The following CNTN5 variants were observed in gnomAD, a reference collection of about 807,000 sequenced individuals.
CNTN5 encodes contactin 5.
CNTN5 carries 77 observed loss-of-function variants against 129.1 expected under a neutral mutation model. That is an observed-to-expected ratio of 0.60 (90% confidence interval 0.50 to 0.72). The LOEUF (loss-of-function observed/expected upper bound fraction) is 0.72, where lower values mean the gene tolerates loss of function less well. Among genes scored for constraint, CNTN5 ranks in the 30% least tolerant of loss-of-function variants. The probability of loss-of-function intolerance (pLI) is 0.00; values close to 1 mark genes in which losing one functional copy is unlikely to be tolerated. For synonymous variants in CNTN5, 509 were observed against 465.6 expected, an observed-to-expected ratio of 1.09 and a Z score of -1.20; for missense variants, 1,478 against 1,328.8, an observed-to-expected ratio of 1.11 and a Z score of -1.75.
intron 1 of CNTN5, among the ~76,000 whole-genome samples, chr11:99,301,069 T>C (rs1864612502): frequency 6.6e-6 from 1 of 151,764 alleles, no homozygotes; most frequent in South Asian, 2.1e-4. Context: ...CACTGAGATG[T>C]TAATTATAAC....
At position 99,710,575 on chromosome 11, in the gene CNTN5, G is replaced by GCA. The variant is rs1347486203; in HGVS notation, c.56-108969_56-108968insCA. 4.9e-3 allele frequency among the ~76,000 whole-genome samples: 553 copies of GCA among 111,788 alleles called. 1 individual carries two copies. The highest frequency in any genetic ancestry group is 9.8e-3 in the African/African-American group (326 of 33,212). The allele number at this position is 111,788 out of a possible 152,430, so 73.3% of individuals were successfully genotyped here. On this transcript the variant is annotated intron_variant, in intron 3 of 24. Coordinates refer to ENST00000524871, the MANE Select transcript of CNTN5 (RefSeq NM_014361.4). Reference sequence around the variant, plus strand: ...TGTGTGTGTGTGTGTGCATGTGTGTGTGTGTGTGTGTGTGTGTGTGTGTGT... The same window carrying GCA: ...TGTGTGTGTGTGTGTGCATGTGTGTGCATGTGTGTGTGTGTGTGTGTGTGTGT...
At chr11:99,374,417 C>T (rs1429204826) in intron 2 of CNTN5, among the ~76,000 whole-genome samples, 3 of 152,182 alleles carry the variant, frequency 2.0e-5, no homozygotes, top group Non-Finnish European at 4.4e-5. Flanking sequence ...CTCAGTTTTT[C>T]AATGTATATA....
intron 3 of CNTN5, among the ~76,000 whole-genome samples, chr11:99,784,295 C>T (rs780322701): frequency 2.0e-5 from 3 of 152,036 alleles, no homozygotes; most frequent in Non-Finnish European, 4.4e-5. Flanking sequence ...GCTATCCCTC[C>T]CTTAGCCCCC....
intron 21 of CNTN5, among the ~76,000 whole-genome samples, chr11:100,339,921 A>G (rs982092881): frequency 6.6e-5 from 10 of 151,950 alleles, no homozygotes; most frequent in African/African-American, 2.4e-4. Context: ...GCCTCCCTCC[A>G]CCCTCCCTAC....
intron 3 of CNTN5, among the ~76,000 whole-genome samples, chr11:99,615,864 C>T (rs891695342): frequency 8.6e-5 from 13 of 151,850 alleles, no homozygotes; most frequent in African/African-American, 1.9e-4. Flanking sequence ...TGCACTCAAG[C>T]GATCCTCCCA....
chr11:99,107,916 G>A (rs1172173030), intron 1 of CNTN5, among the ~76,000 whole-genome samples: 12 of 138,446 alleles, frequency 8.7e-5, no homozygotes, highest in East Asian at 2.1e-4. Flanking sequence ...GGGCAACAGA[G>A]CGAGACTCAG....
At chr11:99,313,700 G>A (rs1004506055) in intron 1 of CNTN5, among the ~76,000 whole-genome samples, 1 of 151,986 alleles carries the variant, frequency 6.6e-6, no homozygotes, top group South Asian at 2.1e-4. Context: ...TTAATATTTA[G>A]TAATAATTAT....
At chr11:100,335,500 G>A (rs759372345) in intron 21 of CNTN5, among the ~76,000 whole-genome samples, 20 of 152,268 alleles carry the variant, frequency 1.3e-4, no homozygotes, top group Middle Eastern at 3.4e-3. Flanking sequence ...GGTCAGGCAC[G>A]GTGGCTCACG....
chr11:99,524,321 T>A (rs10893456), intron 2 of CNTN5, among the ~76,000 whole-genome samples: 1 of 151,974 alleles, frequency 6.6e-6, no homozygotes, highest in African/African-American at 2.4e-5. Context: ...ATCATTTTAA[T>A]TTAAAGGTAT....
At chr11:99,475,795 G>A (rs116246666) in intron 2 of CNTN5, among the ~76,000 whole-genome samples, 3,906 of 148,918 alleles carry the variant, frequency 0.026, 178 homozygotes, top group African/African-American at 0.09. Context: ...TTTTTTTTTC[G>A]TTTTTGGATG....
chr11:99,126,078 G>A (rs1263694223), intron 1 of CNTN5, among the ~76,000 whole-genome samples: 2 of 152,018 alleles, frequency 1.3e-5, no homozygotes, highest in African/African-American at 2.4e-5. Context: ...TTTAACCAGG[G>A]CTGCGATTTT....
At chr11:100,184,629 C>T (rs1350106589) in intron 13 of CNTN5, among the ~76,000 whole-genome samples, 1 of 152,086 alleles carries the variant, frequency 6.6e-6, no homozygotes, top group East Asian at 1.9e-4. Context: ...CTGGCCAACA[C>T]CTTTTGAGAC....
At chr11:99,445,591 T>C (rs564029346) in intron 2 of CNTN5, among the ~76,000 whole-genome samples, 1 of 152,210 alleles carries the variant, frequency 6.6e-6, no homozygotes, top group African/African-American at 2.4e-5. Flanking sequence ...TTTTCTTGCA[T>C]TCTTTACATT....
intron 1 of CNTN5, among the ~76,000 whole-genome samples, chr11:99,276,995 A>G (rs1403760719): frequency 1.3e-5 from 2 of 151,436 alleles, no homozygotes; most frequent in Non-Finnish European, 3.0e-5. Context: ...AAACAACTCT[A>G]CTCATTTATT....
chr11:99,176,305 C>G (rs1321795864), intron 1 of CNTN5, among the ~76,000 whole-genome samples: 3 of 152,000 alleles, frequency 2.0e-5, no homozygotes, highest in African/African-American at 7.2e-5. Context: ...TAGATTATTC[C>G]TGTTCTCTGT....
chr11:99,179,196 C>A (rs1857923924), intron 1 of CNTN5, among the ~76,000 whole-genome samples: 2 of 152,148 alleles, frequency 1.3e-5, no homozygotes, highest in Admixed American at 1.3e-4. Context: ...AATCCCAACA[C>A]TTCGGGGGGC....
At chr11:99,908,311 A>T (rs1034492737) in intron 6 of CNTN5, among the ~76,000 whole-genome samples, 3 of 152,016 alleles carry the variant, frequency 2.0e-5, no homozygotes, top group African/African-American at 7.2e-5. Context: ...AGCTTGAGAG[A>T]CAATTTAATA....
intron 9 of CNTN5, among the ~76,000 whole-genome samples, chr11:100,029,099 T>C (rs1193612055): frequency 1.3e-5 from 2 of 152,078 alleles, no homozygotes; most frequent in Non-Finnish European, 2.9e-5. Context: ...TGCTCTACCA[T>C]TAGTTTTTCT....
At chr11:100,117,960 G>A (rs1378425089) in intron 13 of CNTN5, among the ~76,000 whole-genome samples, 1 of 151,670 alleles carries the variant, frequency 6.6e-6, no homozygotes, top group Non-Finnish European at 1.5e-5. Context: ...GATTTGGCCT[G>A]TGTAGCAGAT....
Sources: gnomAD v4.1 joint callset for allele counts (sites outside exome capture counted in the v4.1 genomes callset) on GRCh38, gnomAD v4.1.1 for gene constraint, MANE v1.5 for transcripts, NCBI Gene and HGNC (gene_info 2026-07-23, HGNC 2026-07-21) for gene names.